Variants in RNF157 observed in about 807,000 individuals in gnomAD.
RNF157 encodes the protein ring finger protein 157.
A neutral mutation model predicts 88.3 loss-of-function variants in RNF157; 55 were observed. The ratio of observed to expected loss-of-function variants is 0.62; its 90% CI spans 0.50 to 0.78. RNF157 has a LOEUF of 0.78. Among genes scored for constraint, RNF157 ranks in the 30% least tolerant of loss-of-function variants. RNF157 has a pLI of 0.00. For missense variants in RNF157, 788 were observed against 860.8 expected, an observed-to-expected ratio of 0.92 and a Z score of 1.06; for synonymous variants, 334 against 341.2, an observed-to-expected ratio of 0.98 and a Z score of 0.23.
At chr17:76,210,972 T>G (rs2069788258) in intron 2 of RNF157, among the ~76,000 whole-genome samples, 1 of 152,092 alleles carries the variant, frequency 6.6e-6, no homozygotes. Flanking sequence ...CCCGGGCTAA[T>G]TTTTGTGTTT....
intron 1 of RNF157, among the ~76,000 whole-genome samples, chr17:76,222,012 G>A (rs1043285311): frequency 1.8e-4 from 28 of 152,286 alleles, no homozygotes; most frequent in African/African-American, 6.0e-4. Context: ...AGGGGATGGG[G>A]GCAGGGGAGA....
intron 2 of RNF157, among the ~76,000 whole-genome samples, chr17:76,174,197 G>A (rs547918389): frequency 7.9e-5 from 12 of 152,218 alleles, no homozygotes; most frequent in Middle Eastern, 3.4e-3. Flanking sequence ...CCTTTCCTTC[G>A]GTGAGGCCAT....
At chr17:76,222,300 T>C (rs939887085) in intron 1 of RNF157, among the ~76,000 whole-genome samples, 4 of 150,170 alleles carry the variant, frequency 2.7e-5, no homozygotes, top group Non-Finnish European at 4.4e-5. Context: ...GAGCTGAGGA[T>C]CGTGTCACTG....
intron 1 of RNF157, among the ~76,000 whole-genome samples, chr17:76,224,185 C>T (rs569495343): frequency 8.5e-5 from 13 of 152,282 alleles, no homozygotes; most frequent in African/African-American, 2.4e-4. Context: ...AAAGAAAAAT[C>T]TCATTTAAAA....
chr17:76,196,155 C>T (rs1216797051), intron 2 of RNF157, among the ~76,000 whole-genome samples: 1 of 152,234 alleles, frequency 6.6e-6, no homozygotes, highest in Non-Finnish European at 1.5e-5. Flanking sequence ...CTCAATAAAG[C>T]TGTTTTCTTC....
chr17:76,199,782 A>G (rs1598424340), intron 2 of RNF157, among the ~76,000 whole-genome samples: 1 of 151,948 alleles, frequency 6.6e-6, no homozygotes, highest in South Asian at 2.1e-4. Flanking sequence ...CTGAAGATCC[A>G]CCTACCATAG....
At chr17:76,186,234 G>A (rs1465975312) in intron 2 of RNF157, among the ~76,000 whole-genome samples, 1 of 152,110 alleles carries the variant, frequency 6.6e-6, no homozygotes, top group Non-Finnish European at 1.5e-5. Flanking sequence ...GGCCAGGTGC[G>A]GTGACTCATG....
At chr17:76,224,487 A>G (rs2070043291) in intron 1 of RNF157, among the ~76,000 whole-genome samples, 1 of 152,154 alleles carries the variant, frequency 6.6e-6, no homozygotes, top group Non-Finnish European at 1.5e-5. Context: ...CATTTCAATA[A>G]CAATAAGCTT....
At chr17:76,193,547 C>T (rs2069421496) in intron 2 of RNF157, among the ~76,000 whole-genome samples, 1 of 151,960 alleles carries the variant, frequency 6.6e-6, no homozygotes, top group Admixed American at 6.6e-5. Context: ...CCCACCACCC[C>T]CCACCCACGG....
intron 1 of RNF157, among the ~76,000 whole-genome samples, chr17:76,228,371 T>C (rs2070131037): frequency 6.6e-6 from 1 of 152,124 alleles, no homozygotes; most frequent in South Asian, 2.1e-4. Flanking sequence ...ACCTAACAAC[T>C]TCCCCATATT....
At position 76,146,337 on chromosome 17, in the gene RNF157, GGTGA is replaced by G; in HGVS notation, c.1922-988_1922-985del. ...GACTAGATGAGAGAATGCGAGCGTTGGTGAGTATCTGACTCCTAGAATAGCCTGT... is the reference window on the plus strand; with the variant it reads ...GACTAGATGAGAGAATGCGAGCGTTGGTATCTGACTCCTAGAATAGCCTGT... On this transcript the variant is annotated intron_variant, in intron 18 of 18. Coordinates refer to ENST00000269391, the MANE Select transcript of RNF157 (RefSeq NM_052916.3). This position sits in a 1 kb window ranked among gnomAD's most constrained non-coding sequence, Gnocchi z 4.2. The G allele has an allele frequency of 8.1e-6, 8 of 985,180 alleles. No individual in the cohort carries two copies. The highest frequency in any genetic ancestry group is 8.4e-6 in the Non-Finnish European group (7 of 829,730). 61.0% of individuals were successfully genotyped at this position (985,180 alleles called of 1,614,324 possible). A position where few individuals can be genotyped will look rare whatever the true frequency, so the allele number is the denominator to read the frequency against.
At chr17:76,217,504 GGT>G (rs1242225588) in intron 1 of RNF157, among the ~76,000 whole-genome samples, 7 of 151,858 alleles carry the variant, frequency 4.6e-5, no homozygotes, top group African/African-American at 1.7e-4. Context: ...GGGACAAATT[GGT>G]GCACAGCTAT....
intron 1 of RNF157, among the ~76,000 whole-genome samples, chr17:76,235,357 C>T (rs2070264626): frequency 6.6e-6 from 1 of 152,152 alleles, no homozygotes; most frequent in African/African-American, 2.4e-5. Context: ...GTCACCATGC[C>T]TGGCTAATTT....
intron 2 of RNF157, among the ~76,000 whole-genome samples, chr17:76,180,036 G>A (rs544386809): frequency 2.6e-5 from 4 of 152,248 alleles, no homozygotes; most frequent in East Asian, 1.9e-4. Flanking sequence ...TGGCATATCC[G>A]GAAACAGGAA....
chr17:76,220,222 T>C (rs928834385), intron 1 of RNF157, among the ~76,000 whole-genome samples: 1 of 151,986 alleles, frequency 6.6e-6, no homozygotes. Flanking sequence ...CATCTTGTCA[T>C]ACCAGATAAC....
chr17:76,151,966 G>A (rs977148191), intron 18 of RNF157, among the ~76,000 whole-genome samples: 2 of 152,176 alleles, frequency 1.3e-5, no homozygotes, highest in Admixed American at 1.3e-4. Context: ...CACTTTTAAA[G>A]GGCGCAGGCA....
chr17:76,194,114 G>C (rs1340976996), intron 2 of RNF157, among the ~76,000 whole-genome samples: 1 of 151,944 alleles, frequency 6.6e-6, no homozygotes, highest in Non-Finnish European at 1.5e-5. Context: ...AGCCTTTTTG[G>C]TGTACAGTTC....
intron 2 of RNF157, chr17:76,212,131 G>C: frequency 2.3e-6 from 1 of 443,204 alleles, no homozygotes; most frequent in South Asian, 3.8e-5. Context: ...ATCTGTCCTA[G>C]CTTAATTTGT....
At chr17:76,167,323 T>C (rs2068943709) in intron 4 of RNF157, among the ~76,000 whole-genome samples, 197 bp from the exon 5 acceptor site, 1 of 152,154 alleles carries the variant, frequency 6.6e-6, no homozygotes, top group South Asian at 2.1e-4. Flanking sequence ...CAAAGAAAGG[T>C]AGCTTACTAG....
Sources: gnomAD v4.1 joint callset for allele counts (sites outside exome capture counted in the v4.1 genomes callset) on GRCh38, gnomAD v4.1.1 for gene constraint, Gnocchi (gnomAD v3.1) non-coding constraint, MANE v1.5 for transcripts, NCBI Gene and HGNC (gene_info 2026-07-23, HGNC 2026-07-21) for gene names.